Variants in SCG3 observed in about 807,000 individuals in gnomAD.
The protein encoded by SCG3 is secretogranin III, also known as secretogranin-3.
A neutral mutation model predicts 56.2 loss-of-function variants in SCG3; 38 were observed. The ratio of observed to expected loss-of-function variants is 0.68; its 90% confidence interval spans 0.52 to 0.89. SCG3 has a LOEUF of 0.89. Among genes scored for constraint, SCG3 ranks in the 40% least tolerant of loss-of-function variants. The pLI is 0.00. For missense variants in SCG3, 524 were observed against 540.7 expected (o/e 0.97, Z 0.31); for synonymous variants, 176 against 184.2 (o/e 0.96, Z 0.36).
intron 4 of SCG3, among the ~76,000 whole-genome samples, chr15:51,687,852 A>G (rs541246304): frequency 6.6e-6 from 1 of 152,214 alleles, no homozygotes; most frequent in African/African-American, 2.4e-5. Flanking sequence ...TTACCAAACT[A>G]TCTATTCCCT....
chr15:51,713,333 G>A lies in SCG3; in HGVS notation c.1208G>A (p.Gly403Glu). 6.3e-7 allele frequency: 1 copy of A among 1,589,642 alleles called. No individual in the cohort carries two copies. Among genetic ancestry groups the A allele is most frequent in the South Asian group, 1.1e-5 (1 of 87,348 alleles). ...NPGGKTDEPK[G>E]KTEAYLEAIR... ...GATATAGTTCTCTTACCTCTTCCAG[G>A]AAAAACAGAAGCCTATTTGGAAGCC... The change falls in exon 11 of 12, where the codon GGA (glycine) becomes GAA (glutamate). Residue 403 changes from glycine to glutamate, a missense_variant and splice_region_variant. Physicochemically the swap from Gly to Glu is moderately conservative, Grantham distance 98. Coordinates refer to ENST00000220478, the MANE Select transcript of SCG3 (RefSeq NM_013243.4).
intron 11 of SCG3, among the ~76,000 whole-genome samples, chr15:51,714,068 T>C (rs926195318): frequency 6.6e-6 from 1 of 151,948 alleles, no homozygotes; most frequent in East Asian, 1.9e-4. Flanking sequence ...TGAGGAGAGA[T>C]GGAGGCAGAG....
chr15:51,695,642 C>T, intron 7 of SCG3: 1 of 365,344 alleles, frequency 2.7e-6, no homozygotes, highest in South Asian at 6.3e-5. Context: ...CCTATAGTTC[C>T]AACTTCATGG....
chr15:51,711,495 C>T (rs1364345579), intron 10 of SCG3, among the ~76,000 whole-genome samples: 1 of 152,158 alleles, frequency 6.6e-6, no homozygotes, highest in Admixed American at 6.5e-5. Flanking sequence ...AAAGTGAGCC[C>T]TATGGGGATC....
In SCG3 at chr15:51,681,633, C is replaced by A. The variant is rs115527219; in HGVS notation, c.-123C>A. 3.0e-3 allele frequency: 1,994 copies of A among 675,032 alleles called. 39 individuals carry two copies. The African/African-American group carries it at 0.033, about 11-fold the overall frequency. The allele number at this position is 675,032 out of a possible 1,614,324, so 41.8% of individuals were successfully genotyped here. On this transcript the variant is annotated 5_prime_UTR_variant, in exon 1 of 12. Transcript: ENST00000220478. Reference sequence around the variant, plus strand: ...ATCCTGCAGCCGCCCAGTCCCGGCCCCTCTCCCGCCCCACACCCACCCTCC... The same window carrying A: ...ATCCTGCAGCCGCCCAGTCCCGGCCACTCTCCCGCCCCACACCCACCCTCC...
chr15:51,697,106 T>C (rs1950215299), intron 8 of SCG3, among the ~76,000 whole-genome samples: 1 of 151,326 alleles, frequency 6.6e-6, no homozygotes. Context: ...GGTAACATTT[T>C]GGTTTATATT....
At chr15:51,698,052 A>G (rs372943975) in intron 8 of SCG3, among the ~76,000 whole-genome samples, 11 of 152,340 alleles carry the variant, frequency 7.2e-5, no homozygotes, top group Middle Eastern at 6.8e-3. Context: ...ACAGTGTACC[A>G]TGATTACAAA....
Position 51,719,899 on chromosome 15 carries a change from C to G in SCG3, c.*373C>G, listed in dbSNP as rs1206412679. ...AAGGGGGTTCTGTTTTCAAGGCATG[C>G]CAAGTACTAAAGCACCTTGCAGAGC... On this transcript the variant is annotated 3_prime_UTR_variant, in exon 12 of 12. Coordinates refer to ENST00000220478, the MANE Select transcript of SCG3 (RefSeq NM_013243.4). The G allele has an allele frequency of 5.9e-6, 1 of 170,150 alleles. No homozygotes were observed. The highest frequency in any genetic ancestry group is 1.2e-5 in the Non-Finnish European group (1 of 80,144). The allele number at this position is 170,150 out of a possible 1,614,324, so 10.5% of individuals were successfully genotyped here. A position where few individuals can be genotyped will look rare whatever the true frequency, so the allele number is the denominator to read the frequency against.
At position 51,699,408 on chromosome 15, in the gene SCG3, ATTAT is replaced by A; in HGVS notation, c.1069+10_1069+13del. The stretch of plus-strand genomic sequence containing the variant: ...TATAAGCAAGCTTTTCCCAGGTATG[ATTAT>A]TTAACTATTTTTTTAGCCTTTAGAA... On this transcript the variant is annotated splice_region_variant and intron_variant, in intron 9 of 11. Coordinates refer to ENST00000220478, the MANE Select transcript of SCG3 (RefSeq NM_013243.4). The A allele has an allele frequency of 6.4e-7, 1 of 1,558,802 alleles. No individual in the cohort carries two copies. The highest frequency in any genetic ancestry group is 1.7e-4 in the Middle Eastern group (1 of 5,914).
At position 51,681,637 on chromosome 15, in the gene SCG3, T is replaced by TGCCCCCCCCCC; in HGVS notation, c.-119_-118insGCCCCCCCCCC. The TGCCCCCCCCCC allele has an allele frequency of 1.7e-6, 1 of 582,690 alleles. No individual in the cohort carries two copies. Among genetic ancestry groups the TGCCCCCCCCCC allele is most frequent in the Non-Finnish European group, 3.3e-6 (1 of 307,202 alleles). 36.1% of individuals were successfully genotyped at this position (582,690 alleles called of 1,614,324 possible). A position where few individuals can be genotyped will look rare whatever the true frequency, so the allele number is the denominator to read the frequency against. On this transcript the variant is annotated 5_prime_UTR_variant, in exon 1 of 12. Transcript: ENST00000220478. ...TGCAGCCGCCCAGTCCCGGCCCCTC[T>TGCCCCCCCCCC]CCCGCCCCACACCCACCCTCCTGGC...
chr15:51,686,540 G>A (rs568453621), intron 4 of SCG3, among the ~76,000 whole-genome samples: 1 of 152,246 alleles, frequency 6.6e-6, no homozygotes, highest in African/African-American at 2.4e-5. Flanking sequence ...CATAGACTGG[G>A]GCAGTTTCTG....
intron 1 of SCG3, 89 bp downstream of exon 1, chr15:51,681,926 C>T (rs1168091837): frequency 1.0e-6 from 1 of 985,318 alleles, no homozygotes; most frequent in Non-Finnish European, 1.6e-6. Flanking sequence ...GTAAATCACC[C>T]TGACGCGTTT....
chr15:51,690,932 C>A (rs2055262922), intron 6 of SCG3, among the ~76,000 whole-genome samples: 2 of 152,148 alleles, frequency 1.3e-5, no homozygotes, highest in African/African-American at 2.4e-5. Context: ...ACTCATGAAG[C>A]TCAAAGTCTA....
chr15:51,700,628 T>C (rs2607119), intron 9 of SCG3, among the ~76,000 whole-genome samples: 79,553 of 151,878 alleles, frequency 0.52, 21,271 homozygotes, highest in East Asian at 0.75. Flanking sequence ...TTAGGTGTGA[T>C]TGAGTAATAG....
intron 8 of SCG3, among the ~76,000 whole-genome samples, chr15:51,698,256 T>C (rs999482682): frequency 1.3e-5 from 2 of 152,216 alleles, no homozygotes; most frequent in East Asian, 3.8e-4. Flanking sequence ...AGGCTCGTCC[T>C]AAAATAGTGT....
intron 6 of SCG3, 132 bp downstream of exon 6, chr15:51,689,500 C>A (rs140359276): frequency 7.7e-6 from 9 of 1,175,284 alleles, no homozygotes; most frequent in Non-Finnish European, 1.0e-5. Flanking sequence ...GCATTTTTAG[C>A]CCATTTATAT....
chr15:51,704,276 T>TATATATATATAA lies in SCG3; in HGVS notation c.1207+3035_1207+3036insTATATATAAATA, dbSNP rs2055359354. Among the ~76,000 whole-genome samples, 6 of 133,156 alleles carry TATATATATATAA rather than the reference T, an allele frequency of 4.5e-5. No individual in the cohort carries two copies. In the South Asian group the frequency reaches 1.4e-3, roughly 31 times the overall value. 87.4% of individuals were successfully genotyped at this position (133,156 alleles called of 152,430 possible). A position where few individuals can be genotyped will look rare whatever the true frequency, so the allele number is the denominator to read the frequency against. ...ATATATATATATATATATATATATA[T>TATATATATATAA]ATAAAATAGCTCTTTTTTGAAATTG... On this transcript the variant is annotated intron_variant, in intron 10 of 11. Coordinates refer to ENST00000220478, the MANE Select transcript of SCG3 (RefSeq NM_013243.4).
At chr15:51,710,041 G>A (rs1267044301) in intron 10 of SCG3, among the ~76,000 whole-genome samples, 1 of 151,488 alleles carries the variant, frequency 6.6e-6, no homozygotes, top group Non-Finnish European at 1.5e-5. Context: ...CGGCCGGCTT[G>A]TAAGTTTTTT....
intron 7 of SCG3, among the ~76,000 whole-genome samples, chr15:51,692,850 G>C (rs904114188): frequency 2.0e-5 from 3 of 151,880 alleles, no homozygotes; most frequent in African/African-American, 7.2e-5. Flanking sequence ...TCACCTTATA[G>C]TTAACATTTT....
Sources: allele counts gnomAD v4.1 joint callset (sites outside exome capture counted in the v4.1 genomes callset), GRCh38; gene constraint gnomAD v4.1.1; transcripts MANE v1.5; gene names NCBI Gene and HGNC (gene_info 2026-07-23, HGNC 2026-07-21).